The following SRD5A2 variants were observed in gnomAD, a reference collection of about 807,000 sequenced individuals.
The protein encoded by SRD5A2 is 3-oxo-5-alpha-steroid 4-dehydrogenase 2.
Under a neutral mutation model 27.4 loss-of-function variants are expected in SRD5A2, and 30 were observed. The observed-to-expected ratio is 1.10, with a 90% confidence interval of 0.82 to 1.49. The LOEUF is 1.49. Among genes scored for constraint, SRD5A2 ranks in the 40% most tolerant of loss-of-function variants. The pLI is 0.00. For missense variants in SRD5A2, 348 were observed against 323.4 expected (o/e 1.08, Z -0.58); for synonymous variants, 141 against 133.6 (o/e 1.06, Z -0.38).
chr2:31,631,554 T>C, the SRD5A2 span, among the ~76,000 whole-genome samples: 1 of 152,130 alleles, frequency 6.6e-6, no homozygotes, highest in Non-Finnish European at 1.5e-5. Context: ...TGTACGTACC[T>C]TTTTTCCTGT....
At chr2:31,637,018 A>AT in the SRD5A2 span, among the ~76,000 whole-genome samples, 1 of 151,776 alleles carries the variant, frequency 6.6e-6, no homozygotes, top group Non-Finnish European at 1.5e-5. Flanking sequence ...CTTCTTTTCC[A>AT]TTTTTTTGAA....
the SRD5A2 span, among the ~76,000 whole-genome samples, chr2:31,608,012 C>A: frequency 2.6e-5 from 4 of 151,990 alleles, no homozygotes; most frequent in African/African-American, 4.8e-5. Flanking sequence ...TCACCAGACA[C>A]TGACCCTGTT....
the SRD5A2 span, among the ~76,000 whole-genome samples, chr2:31,608,225 G>A: frequency 6.6e-6 from 1 of 151,868 alleles, no homozygotes; most frequent in Admixed American, 6.6e-5. Flanking sequence ...TATCATAAGA[G>A]ATAGAGAGAT....
the SRD5A2 span, among the ~76,000 whole-genome samples, chr2:31,634,342 G>A: frequency 6.6e-6 from 1 of 151,992 alleles, no homozygotes; most frequent in Non-Finnish European, 1.5e-5. Context: ...AAGGTAGAGA[G>A]GCAAAATAGA....
Position 31,533,882 on chromosome 2 carries a change from G to A in SRD5A2, c.282-116C>T, listed in dbSNP as rs531372118. On this transcript the variant is annotated intron_variant, in intron 1 of 4. Transcript: ENST00000622030. Reference sequence around the variant, plus strand: ...TACAAAAACCAGGCTCTGCCATTTCGCCTTAACCCAATACAAATTATCTTC... The same window carrying A: ...TACAAAAACCAGGCTCTGCCATTTCACCTTAACCCAATACAAATTATCTTC... 68 of 1,176,116 alleles carry A rather than the reference G, an allele frequency of 5.8e-5. No homozygotes were observed. The African/African-American group carries it at 8.4e-4, about 15-fold the overall frequency. 72.9% of individuals were successfully genotyped at this position (1,176,116 alleles called of 1,614,324 possible).
At chr2:31,555,862 C>T (rs762949268) in intron 1 of SRD5A2, among the ~76,000 whole-genome samples, 2 of 152,004 alleles carry the variant, frequency 1.3e-5, no homozygotes, top group Non-Finnish European at 2.9e-5. Flanking sequence ...CCTAGCTACT[C>T]GGGAGGGTAA....
the SRD5A2 span, among the ~76,000 whole-genome samples, chr2:31,629,313 G>T: frequency 6.6e-6 from 1 of 152,160 alleles, no homozygotes. Context: ...CAAGAGGCTT[G>T]CCGCCATCTT....
chr2:31,628,850 C>T, the SRD5A2 span, among the ~76,000 whole-genome samples: 1 of 152,122 alleles, frequency 6.6e-6, no homozygotes, highest in African/African-American at 2.4e-5. Context: ...TGATCTTCCC[C>T]TTTTCTCTGG....
the SRD5A2 span, among the ~76,000 whole-genome samples, chr2:31,593,926 T>C: frequency 9.5e-3 from 1,443 of 152,312 alleles, 20 homozygotes; most frequent in South Asian, 0.029. Flanking sequence ...CAGCCAAGAA[T>C]TTTGATTCCA....
chr2:31,651,356 A>G, the SRD5A2 span: 6 of 208,884 alleles, frequency 2.9e-5, 1 homozygote, highest in South Asian at 6.7e-4. Flanking sequence ...TGTTGAGTAA[A>G]ATGACTTAGT....
intron 1 of SRD5A2, among the ~76,000 whole-genome samples, chr2:31,551,840 T>C (rs370910549): frequency 6.6e-5 from 10 of 152,074 alleles, no homozygotes; most frequent in Non-Finnish European, 1.2e-4. Flanking sequence ...GGTGGTGGGA[T>C]AGACACATAG....
the SRD5A2 span, among the ~76,000 whole-genome samples, chr2:31,594,853 G>A: frequency 1.3e-5 from 2 of 152,052 alleles, no homozygotes; most frequent in Non-Finnish European, 2.9e-5. Context: ...ATTATAGCAA[G>A]TACTCTGTCA....
chr2:31,574,938 C>T (rs1177460509), intron 1 of SRD5A2, among the ~76,000 whole-genome samples: 1 of 152,208 alleles, frequency 6.6e-6, no homozygotes, highest in Non-Finnish European at 1.5e-5. Flanking sequence ...GCTGCTTTCC[C>T]GCTATAACAG....
chr2:31,556,091 T>C (rs999186143), intron 1 of SRD5A2, among the ~76,000 whole-genome samples: 62 of 152,244 alleles, frequency 4.1e-4, no homozygotes, highest in African/African-American at 1.3e-3. Context: ...CCAAAGGCCA[T>C]TGGGCCAACC....
At chr2:31,554,212 C>A (rs1371622862) in intron 1 of SRD5A2, among the ~76,000 whole-genome samples, 1 of 151,982 alleles carries the variant, frequency 6.6e-6, no homozygotes, top group Non-Finnish European at 1.5e-5. Flanking sequence ...GGGAAAAAGA[C>A]CCGGGTATCT....
rs1009792956 is a variant in SRD5A2, at chr2:31,580,725, G to A, written c.176C>T (p.Pro59Leu). 1.2e-6 allele frequency: 2 copies of A among 1,607,764 alleles called. No homozygotes were observed. The highest frequency in any genetic ancestry group is 1.1e-5 in the South Asian group (1 of 90,950). Residue 59 changes from proline (P) to leucine (L), a missense_variant, in exon 1 of 5, where the codon CCT becomes CTT. Transcript: ENST00000622030. ...GATCCCCGCGGGCACCGCGAAGGAAGGCAGCTCCTGCAGGAACCAGGCGGC... is the reference window on the plus strand; with the variant it reads ...GATCCCCGCGGGCACCGCGAAGGAAAGCAGCTCCTGCAGGAACCAGGCGGC... ...ARAAWFLQEL[P>L]SFAVPAGILA...
At chr2:31,596,216 C>T in the SRD5A2 span, among the ~76,000 whole-genome samples, 2 of 151,870 alleles carry the variant, frequency 1.3e-5, no homozygotes, top group Non-Finnish European at 2.9e-5. Flanking sequence ...AGTGAAAACC[C>T]GTCTCTACTA....
At chr2:31,586,187 C>G in the SRD5A2 span, among the ~76,000 whole-genome samples, 1 of 152,088 alleles carries the variant, frequency 6.6e-6, no homozygotes, top group African/African-American at 2.4e-5. Flanking sequence ...TCTTTTATCC[C>G]CTACTCCCCT....
At chr2:31,565,357 A>C (rs1318603229) in intron 1 of SRD5A2, among the ~76,000 whole-genome samples, 1 of 151,986 alleles carries the variant, frequency 6.6e-6, no homozygotes, top group Non-Finnish European at 1.5e-5. Context: ...ATCTCATTAA[A>C]TATAAACATT....
Sources: gnomAD v4.1 joint callset for allele counts (sites outside exome capture counted in the v4.1 genomes callset) on GRCh38, gnomAD v4.1.1 for gene constraint, MANE v1.5 for transcripts, NCBI Gene and HGNC (gene_info 2026-07-23, HGNC 2026-07-21) for gene names.